Variants in C14orf39 observed in about 807,000 individuals in gnomAD.
The protein encoded by C14orf39 is protein SIX6OS1.
C14orf39 carries 66 observed loss-of-function variants against 85.6 expected under a neutral mutation model. The observed-to-expected ratio is 0.77, with a 90% CI of 0.63 to 0.95. The LOEUF is 0.95. Among genes scored for constraint, C14orf39 ranks in the 40% least tolerant of loss-of-function variants. The pLI is 0.00. For synonymous variants in C14orf39, 242 were observed against 214.0 expected (o/e 1.13, Z -1.14); for missense variants, 735 against 663.9 (o/e 1.11, Z -1.18).
chr14:60,498,093 A>T (rs1893093986), intron 2 of C14orf39, among the ~76,000 whole-genome samples: 1 of 142,156 alleles, frequency 7.0e-6, no homozygotes, highest in Non-Finnish European at 1.5e-5. Flanking sequence ...AAGTCAATTA[A>T]ATTTTCTTTG....
At chr14:60,456,696 C>G (rs1891294653) in intron 15 of C14orf39, among the ~76,000 whole-genome samples, 1 of 151,926 alleles carries the variant, frequency 6.6e-6, no homozygotes, top group South Asian at 2.1e-4. Flanking sequence ...GAAACAGGAA[C>G]AGCAGAGTAT....
chr14:60,464,222 G>A (rs1891671846), intron 11 of C14orf39, among the ~76,000 whole-genome samples: 1 of 152,162 alleles, frequency 6.6e-6, no homozygotes, highest in African/African-American at 2.4e-5. Flanking sequence ...AGCATAGCAT[G>A]AAAAATAGCA....
intron 5 of C14orf39, 125 bp downstream of exon 5, chr14:60,478,175 T>A (rs528786258): frequency 2.8e-4 from 8 of 29,078 alleles, no homozygotes; most frequent in Admixed American, 1.7e-3. Flanking sequence ...CGAGACTCCA[T>A]CTCAAAAAAA....
intron 4 of C14orf39, among the ~76,000 whole-genome samples, chr14:60,479,235 A>G (rs1892530185): frequency 1.3e-5 from 2 of 152,194 alleles, no homozygotes; most frequent in African/African-American, 4.8e-5. Flanking sequence ...ATCACTTAGT[A>G]ACAGAACTTG....
chr14:60,479,822 G>A (rs1401718268), intron 4 of C14orf39, among the ~76,000 whole-genome samples: 1 of 152,050 alleles, frequency 6.6e-6, no homozygotes, highest in Non-Finnish European at 1.5e-5. Context: ...TTCACTGGCT[G>A]CCTAATGTTC....
chr14:60,509,816 C>A (rs142958302), intron 1 of C14orf39: 4 of 1,613,882 alleles, frequency 2.5e-6, no homozygotes, highest in South Asian at 2.2e-5. Context: ...GGAGCGCACG[C>A]GGCACCTGCT....
In C14orf39 at chr14:60,468,431, A is replaced by C; in HGVS notation, c.767+14T>G. On this transcript the variant is annotated intron_variant, in intron 9 of 17. Transcript: ENST00000321731. ...TCTGTTCACATAAAATTTAATTTTA[A>C]AGGTTACCTATACCTTTCTTTCAGT... 2 of 1,479,918 alleles carry C rather than the reference A, an allele frequency of 1.4e-6. No individual in the cohort carries two copies. Among genetic ancestry groups the C allele is most frequent in the Non-Finnish European group, 1.8e-6 (2 of 1,089,290 alleles). 91.7% of individuals were successfully genotyped at this position (1,479,918 alleles called of 1,614,324 possible).
At chr14:60,447,885 C>A (rs1331593221) in intron 16 of C14orf39, among the ~76,000 whole-genome samples, 1 of 152,060 alleles carries the variant, frequency 6.6e-6, no homozygotes, top group Non-Finnish European at 1.5e-5. Flanking sequence ...TCAGAAATAA[C>A]ACCACACATG....
intron 4 of C14orf39, among the ~76,000 whole-genome samples, chr14:60,482,245 A>C (rs76855780): frequency 1.3e-5 from 2 of 152,198 alleles, no homozygotes; most frequent in Admixed American, 1.3e-4. Context: ...TCCACAACCC[A>C]ATGCAGCTAA....
intron 2 of C14orf39, chr14:60,496,398 G>T: frequency 6.0e-6 from 2 of 330,896 alleles, no homozygotes; most frequent in South Asian, 6.0e-5. Flanking sequence ...ATGTTCTGGG[G>T]TGTGGGTGGC....
At chr14:60,461,204 T>C in intron 13 of C14orf39, 150 bp downstream of exon 13, 1 of 588,542 alleles carries the variant, frequency 1.7e-6, no homozygotes, top group Non-Finnish European at 2.9e-6. Flanking sequence ...GTATTTGTTC[T>C]ATATTTAGGG....
At chr14:60,510,043 AC>A in intron 1 of C14orf39, 1 of 1,344,882 alleles carries the variant, frequency 7.4e-7, no homozygotes, top group Non-Finnish European at 1.0e-6. Context: ...TGGCGCCCTT[AC>A]CCAGTCCCTG....
At chr14:60,501,193 G>C (rs1037636473) in intron 1 of C14orf39, among the ~76,000 whole-genome samples, 1 of 150,602 alleles carries the variant, frequency 6.6e-6, no homozygotes, top group Non-Finnish European at 1.5e-5. Context: ...TGTAGTCCTA[G>C]ATACTAAGAA....
chr14:60,457,467 G>A (rs1379550549), intron 14 of C14orf39, among the ~76,000 whole-genome samples: 2 of 151,842 alleles, frequency 1.3e-5, no homozygotes, highest in Non-Finnish European at 2.9e-5. Flanking sequence ...AGTGAAAAAT[G>A]ATGTACTTTT....
Position 60,468,527 on chromosome 14 carries a change from T to G in C14orf39, c.685A>C (p.Arg229=), listed in dbSNP as rs768070636. The change falls in exon 9 of 18, where the codon AGG becomes CGG. Residue 229 remains arginine (R), a synonymous_variant. Transcript: ENST00000321731. The part of the protein sequence containing the change: ...EINYLNQQIS[R]HNETKALSET... ...GAAAGAGCCTTAGTTTCATTATGCC[T>G]AGATATCTGCTAAAAAGACAATTGG... 7 of 1,569,766 alleles carry G rather than the reference T, an allele frequency of 4.5e-6. No individual in the cohort carries two copies. Among genetic ancestry groups the G allele is most frequent in the Non-Finnish European group, 5.2e-6 (6 of 1,156,838 alleles).
intron 14 of C14orf39, among the ~76,000 whole-genome samples, 163 bp from the exon 15 acceptor site, chr14:60,457,258 T>C (rs1891321414): frequency 6.6e-6 from 1 of 152,030 alleles, no homozygotes; most frequent in South Asian, 2.1e-4. Context: ...TACTAAAACA[T>C]ATATCAAAAT....
chr14:60,483,551 C>T, intron 4 of C14orf39, 140 bp downstream of exon 4: 1 of 629,092 alleles, frequency 1.6e-6, no homozygotes, highest in African/African-American at 1.9e-5. Flanking sequence ...AATCCCTTTA[C>T]ATAGTGGCAT....
At chr14:60,449,874 C>T (rs1360486243) in intron 16 of C14orf39, among the ~76,000 whole-genome samples, 2 of 152,206 alleles carry the variant, frequency 1.3e-5, no homozygotes, top group Admixed American at 6.5e-5. Context: ...GCTTTTGCAA[C>T]ATCCCATAAT....
Position 60,483,672 on chromosome 14 carries a change from G to A in C14orf39, c.233+19C>T, listed in dbSNP as rs762059134. ...TAAATAAAAGAATGCAATGAAAATT[G>A]ATTCTTTCAAATACTCACTTTCTAC... On this transcript the variant is annotated intron_variant, in intron 4 of 17. Coordinates refer to ENST00000321731, the MANE Select transcript of C14orf39 (RefSeq NM_174978.3). 6.4e-7 allele frequency: 1 copy of A among 1,566,830 alleles called. No homozygotes were observed. Among genetic ancestry groups the A allele is most frequent in the Non-Finnish European group, 8.6e-7 (1 of 1,158,880 alleles).
Sources: allele counts gnomAD v4.1 joint callset (sites outside exome capture counted in the v4.1 genomes callset), GRCh38; gene constraint gnomAD v4.1.1; transcripts MANE v1.5; gene names NCBI Gene and HGNC (gene_info 2026-07-23, HGNC 2026-07-21).